The following FAM185A variants were observed in gnomAD, a reference collection of about 807,000 sequenced individuals.
FAM185A encodes the protein protein FAM185A.
Under a neutral mutation model 45.7 loss-of-function variants are expected in FAM185A, and 21 were observed. That is an observed-to-expected ratio of 0.46 (90% confidence interval 0.33 to 0.66). The LOEUF (loss-of-function observed/expected upper bound fraction) is 0.66. Among genes scored for constraint, FAM185A ranks in the 30% least tolerant of loss-of-function variants. The pLI is 0.03. For missense variants in FAM185A, 305 were observed against 485.4 expected (o/e 0.63, Z 3.49); for synonymous variants, 117 against 194.0 (o/e 0.60, Z 3.30).
chr7:102,762,659 G>T (rs1794178472), intron 4 of FAM185A, among the ~76,000 whole-genome samples: 1 of 152,108 alleles, frequency 6.6e-6, no homozygotes, highest in Admixed American at 6.5e-5. Flanking sequence ...TAGTAATTTG[G>T]CAAGTAGTCT....
At chr7:102,833,612 A>G in the FAM185A span, among the ~76,000 whole-genome samples, 3 of 138,652 alleles carry the variant, frequency 2.2e-5, no homozygotes, top group East Asian at 6.7e-4. Context: ...TTTTTTTTTT[A>G]GTAGAGATGG....
chr7:102,779,591 T>C (rs1345114280), intron 6 of FAM185A: 1 of 152,220 alleles, frequency 6.6e-6, no homozygotes, highest in Non-Finnish European at 1.5e-5. Flanking sequence ...TCCTGAAATC[T>C]TCCAGGGTTG....
the FAM185A span, among the ~76,000 whole-genome samples, chr7:102,837,808 G>A: frequency 1.3e-5 from 2 of 152,182 alleles, no homozygotes; most frequent in South Asian, 2.1e-4. Context: ...TTCCCAAAAC[G>A]TTGGGATTAT....
At chr7:102,780,948 G>A (rs539911499) in intron 6 of FAM185A, among the ~76,000 whole-genome samples, 3 of 152,264 alleles carry the variant, frequency 2.0e-5, no homozygotes, top group South Asian at 2.1e-4. Flanking sequence ...CTGGAAAATC[G>A]GGTCACTCCC....
chr7:102,834,084 A>AAGGAAGGAAGGAAGGAAGGAAG, the FAM185A span, among the ~76,000 whole-genome samples: 4 of 101,148 alleles, frequency 4.0e-5, no homozygotes, highest in African/African-American at 1.3e-4. Context: ...AAGGAAGGAA[A>AAGGAAGGAAGGAAGGAAGGAAG]GAAAAGAAAG....
At chr7:102,839,931 T>C in the FAM185A span, among the ~76,000 whole-genome samples, 1 of 152,142 alleles carries the variant, frequency 6.6e-6, no homozygotes, top group Non-Finnish European at 1.5e-5. Context: ...AAAAAAATTG[T>C]GTTGTTCATT....
At chr7:102,796,503 A>T (rs1362991384) in intron 7 of FAM185A, among the ~76,000 whole-genome samples, 2 of 152,244 alleles carry the variant, frequency 1.3e-5, no homozygotes, top group East Asian at 3.8e-4. Flanking sequence ...TTTCAAAGCT[A>T]AACTATAAAC....
At chr7:102,799,791 G>C (rs1285098699) in intron 7 of FAM185A, among the ~76,000 whole-genome samples, 1 of 152,104 alleles carries the variant, frequency 6.6e-6, no homozygotes, top group Non-Finnish European at 1.5e-5. Flanking sequence ...CTTAACACTT[G>C]AACTCTCAGA....
intron 3 of FAM185A, among the ~76,000 whole-genome samples, chr7:102,758,427 CTTTTTTT>C (rs869220298): frequency 4.4e-4 from 20 of 45,894 alleles, no homozygotes; most frequent in African/African-American, 1.4e-3. Context: ...GCTCTCACAG[CTTTTTTT>C]TTTTTTTTTT....
At chr7:102,805,915 T>C (rs1797083984) in intron 7 of FAM185A, among the ~76,000 whole-genome samples, 1 of 152,128 alleles carries the variant, frequency 6.6e-6, no homozygotes. Flanking sequence ...GAATGTTAGT[T>C]CTGGCTCATG....
the FAM185A span, chr7:102,816,161 G>T: frequency 6.6e-6 from 1 of 152,110 alleles, no homozygotes; most frequent in Non-Finnish European, 1.5e-5. Flanking sequence ...AACATCAGTG[G>T]GTCCCTGACT....
the FAM185A span, among the ~76,000 whole-genome samples, chr7:102,844,221 A>G: frequency 6.6e-6 from 1 of 152,212 alleles, no homozygotes; most frequent in African/African-American, 2.4e-5. Context: ...TCATTTATTA[A>G]TTATCTTTTA....
chr7:102,770,558 C>T (rs1435416127), intron 4 of FAM185A, among the ~76,000 whole-genome samples: 1 of 151,686 alleles, frequency 6.6e-6, no homozygotes, highest in Non-Finnish European at 1.5e-5. Flanking sequence ...ACATTTTGCT[C>T]ATTTCTCAAG....
At chr7:102,780,108 T>G (rs1203083867) in intron 6 of FAM185A, among the ~76,000 whole-genome samples, 2 of 152,134 alleles carry the variant, frequency 1.3e-5, no homozygotes, top group African/African-American at 4.8e-5. Flanking sequence ...TATCTCAAAC[T>G]TCTAGCTCCA....
chr7:102,848,805 T>G, the FAM185A span, among the ~76,000 whole-genome samples: 16 of 151,732 alleles, frequency 1.1e-4, no homozygotes, highest in African/African-American at 3.6e-4. Context: ...TCGAGACCAG[T>G]CTGGCCAACA....
chr7:102,754,825 T>A (rs1291388788), intron 2 of FAM185A, among the ~76,000 whole-genome samples: 1 of 152,272 alleles, frequency 6.6e-6, no homozygotes, highest in Non-Finnish European at 1.5e-5. Flanking sequence ...TAATTGAATG[T>A]CACACATTTG....
At chr7:102,837,477 T>C in the FAM185A span, among the ~76,000 whole-genome samples, 1 of 152,256 alleles carries the variant, frequency 6.6e-6, no homozygotes, top group Non-Finnish European at 1.5e-5. Context: ...AAACTTTGGC[T>C]TCAAACCAGC....
intron 7 of FAM185A, among the ~76,000 whole-genome samples, chr7:102,799,868 G>A (rs1405800014): frequency 6.6e-6 from 1 of 152,154 alleles, no homozygotes; most frequent in Admixed American, 6.5e-5. Flanking sequence ...AGACTAGATT[G>A]CGGCTCTGAC....
At chr7:102,813,491 CCTG>C (rs770367321), downstream of FAM185A, 16 of 1,613,968 alleles carry the variant, frequency 9.9e-6, no homozygotes, top group Non-Finnish European at 1.3e-5. Context: ...GTGTTGTATT[CCTG>C]CTGCTGAACT....
Sources: allele counts gnomAD v4.1 joint callset (sites outside exome capture counted in the v4.1 genomes callset), GRCh38; gene constraint gnomAD v4.1.1; transcripts MANE v1.5; gene names NCBI Gene and HGNC (gene_info 2026-07-23, HGNC 2026-07-21).